Variants in GCN1 observed in about 807,000 individuals in gnomAD.
GCN1 encodes the protein GCN1 activator of EIF2AK4.
A neutral mutation model predicts 288.4 loss-of-function variants in GCN1; 90 were observed. That is an observed-to-expected ratio of 0.31 (90% CI 0.26 to 0.37). The LOEUF (loss-of-function observed/expected upper bound fraction) is 0.37. GCN1 is among the 10% of genes least tolerant of loss of function. The pLI is 1.00. For missense variants in GCN1, 2,586 were observed against 3,419.9 expected, an observed-to-expected ratio of 0.76 and a Z score of 6.08; for synonymous variants, 1,386 against 1,420.2, an observed-to-expected ratio of 0.98 and a Z score of 0.54.
At position 120,134,645 on chromosome 12, in the gene GCN1, G is replaced by A. The variant is rs765028391; in HGVS notation, c.7090C>T (p.Arg2364Cys). 5.0e-6 allele frequency: 8 copies of A among 1,613,748 alleles called. No homozygotes were observed. Among genetic ancestry groups the A allele is most frequent in the Non-Finnish European group, 5.9e-6 (7 of 1,179,936 alleles). ...KALQDSNRGV[R>C]LKAADALGKL... ...CCCAGAGCATCTGCGGCCTTCAGGC[G>A]CACCCCCCGGTTGGAGTCCTGCAGG... Residue 2364 changes from arginine to cysteine, a missense_variant, in exon 52 of 58, where the codon CGC becomes TGC. Around this residue, in one of 8 missense-constraint regions of GCN1, gnomAD observed 355 missense variants for 431.1 expected, o/e 0.82. Transcript: ENST00000300648. This position sits in a 1 kb window ranked among gnomAD's most constrained non-coding sequence, Gnocchi z 5.0.
intron 2 of GCN1, among the ~76,000 whole-genome samples, chr12:120,189,023 G>A (rs1485321521): frequency 6.6e-6 from 1 of 152,122 alleles, no homozygotes; most frequent in African/African-American, 2.4e-5. Context: ...CTATAGCAAG[G>A]AAATAAAGTA....
At chr12:120,150,763 C>T (rs1312572283) in intron 34 of GCN1, among the ~76,000 whole-genome samples, 1 of 151,750 alleles carries the variant, frequency 6.6e-6, no homozygotes, top group South Asian at 2.1e-4. Context: ...CGGTGAAACC[C>T]CGCCTCTACT....
intron 36 of GCN1, among the ~76,000 whole-genome samples, chr12:120,148,728 G>C (rs1048452637): frequency 6.6e-6 from 1 of 152,256 alleles, no homozygotes; most frequent in Non-Finnish European, 1.5e-5. Flanking sequence ...GAAGGACTGA[G>C]AAGGAGGTTG....
rs1333768393 is a variant in GCN1, at chr12:120,147,871, G to C, written c.4726+296C>G. Among the ~76,000 whole-genome samples, 6 of 152,082 alleles carry C rather than the reference G, an allele frequency of 3.9e-5. No individual in the cohort carries two copies. In the East Asian group the frequency reaches 7.7e-4, roughly 20 times the overall value. On this transcript the variant is annotated intron_variant, in intron 37 of 57. Transcript: ENST00000300648. ...TCCTTAACCCTCCCCTCTATCAAAG[G>C]CCTCCTGGAATGAGATGGAATAGCA...
Position 120,173,816 on chromosome 12 carries a change from C to T in GCN1, c.1203G>A (p.Gly401=). 1 of 1,613,714 alleles carries T rather than the reference C, an allele frequency of 6.2e-7. No individual in the cohort carries two copies. The highest frequency in any genetic ancestry group is 8.5e-7 in the Non-Finnish European group (1 of 1,179,694). The part of the protein sequence containing the change: ...IPFLQQEVHE[G]TLVHAVSVLA... ...GGACTGAGACAGCGTGTACCAAGGT[C>T]CCTTCATGAACTAGGGCAAAAAGCA... The change falls in exon 14 of 58, where the codon GGG becomes GGA. Residue 401 remains glycine (G), a synonymous_variant. Coordinates refer to ENST00000300648, the MANE Select transcript of GCN1 (RefSeq NM_006836.2).
rs1250463440 is a variant in GCN1, at chr12:120,134,795, T to G, written c.7009-69A>C. On this transcript the variant is annotated intron_variant, in intron 51 of 57. Coordinates refer to ENST00000300648, the MANE Select transcript of GCN1 (RefSeq NM_006836.2). This position sits in a 1 kb window ranked among gnomAD's most constrained non-coding sequence, Gnocchi z 5.0. ...CCAAAGCCACAGTGTACCACAGGCA[T>G]GAGAACAAATGACAATCCCAAACCA... is the stretch of plus-strand genomic sequence containing the variant. 17 of 1,311,526 alleles carry G rather than the reference T, an allele frequency of 1.3e-5. No individual in the cohort carries two copies. Among genetic ancestry groups the G allele is most frequent in the Admixed American group, 5.2e-5 (3 of 57,480 alleles). 81.2% of individuals were successfully genotyped at this position (1,311,526 alleles called of 1,614,324 possible).
intron 14 of GCN1, 139 bp from the exon 15 acceptor site, chr12:120,170,460 G>A: frequency 1.4e-6 from 1 of 733,280 alleles, no homozygotes; most frequent in Non-Finnish European, 2.2e-6. Context: ...AAAAAGAAGT[G>A]AAGTGAAATC....
intron 10 of GCN1, 47 bp from the exon 11 acceptor site, chr12:120,175,921 C>A (rs770359584): frequency 5.7e-6 from 9 of 1,579,368 alleles, no homozygotes; most frequent in Middle Eastern, 1.7e-4. Flanking sequence ...AACTGAGCAT[C>A]CAGACTTTCG....
chr12:120,143,707 T>C (rs1277926079), intron 42 of GCN1, among the ~76,000 whole-genome samples: 1 of 152,250 alleles, frequency 6.6e-6, no homozygotes, highest in East Asian at 1.9e-4. Context: ...TTTAAGCACT[T>C]GACCATTCCC....
At chr12:120,161,800 G>A (rs1877940624) in intron 21 of GCN1, 80 bp downstream of exon 21, 1 of 1,357,674 alleles carries the variant, frequency 7.4e-7, no homozygotes, top group Non-Finnish European at 1.0e-6. Context: ...CAACTCACAG[G>A]AGGCACTGGC....
rs1343370948 is a variant in GCN1, at chr12:120,161,915, A to T, written c.2307T>A (p.Pro769=). 6.2e-7 allele frequency: 1 copy of T among 1,614,054 alleles called. No individual in the cohort carries two copies. The highest frequency in any genetic ancestry group is 8.5e-7 in the Non-Finnish European group (1 of 1,180,038). The change falls in exon 21 of 58, where the codon CCT becomes CCA. Residue 769 remains proline (P), a synonymous_variant. Transcript: ENST00000300648. ...TGGATTTGTCATACAGCTCCCCAGC[A>T]GGGGTCTGCATAATGGCAAACTCCT... The part of the protein sequence containing the change: ...TREEFAIMQT[P]AGELYDKSII...
At chr12:120,187,141 T>C (rs1005113256) in intron 2 of GCN1, among the ~76,000 whole-genome samples, 6 of 151,922 alleles carry the variant, frequency 3.9e-5, no homozygotes, top group Non-Finnish European at 7.4e-5. Flanking sequence ...AAATGAGAAG[T>C]TGGGTGAAGT....
rs1206422463 is a variant in GCN1 at position 120,154,976 on chromosome 12, T to C, written c.3695A>G (p.Glu1232Gly). ...GGCTGAACAATTGTTATACCTGGCTTCCCACTGATCTGGAGGAGATTCTGA... is the reference window on the plus strand; with the variant it reads ...GGCTGAACAATTGTTATACCTGGCTCCCCACTGATCTGGAGGAGATTCTGA... ...VISESPPDQW[E>G]ARCGLALALN... The change falls in exon 31 of 58, where the codon GAA becomes GGA. Residue 1232 changes from glutamate to glycine, a missense_variant. Physicochemically the swap from Glu to Gly is moderately conservative, Grantham distance 98. Around this residue, in one of 8 missense-constraint regions of GCN1, gnomAD observed 332 missense variants for 403.0 expected, o/e 0.82. Transcript: ENST00000300648. The C allele has an allele frequency of 1.9e-6, 3 of 1,612,920 alleles. No individual in the cohort carries two copies. In the African/African-American group the frequency reaches 4.0e-5, roughly 22 times the overall value.
intron 1 of GCN1, among the ~76,000 whole-genome samples, chr12:120,194,472 G>C (rs1555303973): frequency 6.6e-6 from 1 of 152,216 alleles, no homozygotes; most frequent in Non-Finnish European, 1.5e-5. Flanking sequence ...GGGAGCCCCG[G>C]ACTCCTCGAG....
At chr12:120,175,067 C>A in intron 12 of GCN1, 95 bp downstream of exon 12, 1 of 1,039,370 alleles carries the variant, frequency 9.6e-7, no homozygotes, top group Middle Eastern at 2.6e-4. Flanking sequence ...GCAGAGGTTG[C>A]AGTGAGCTGA....
At chr12:120,143,496 T>C (rs1339014589) in intron 42 of GCN1, among the ~76,000 whole-genome samples, 2 of 151,538 alleles carry the variant, frequency 1.3e-5, no homozygotes, top group African/African-American at 4.9e-5. Context: ...GCAGGAGAAT[T>C]GCTTGAACCC....
At position 120,157,864 on chromosome 12, in the gene GCN1, G is replaced by C; in HGVS notation, c.3072C>G (p.Pro1024=). The C allele has an allele frequency of 6.2e-7, 1 of 1,613,630 alleles. No individual in the cohort carries two copies. Among genetic ancestry groups the C allele is most frequent in the Non-Finnish European group, 8.5e-7 (1 of 1,179,818 alleles). ...AQLRASPNTP[P]GRVDENGPEL... is the part of the protein sequence containing the mutation. ...CCCTGCCAACCTCGTCCACCCGCCC[G>C]GGTGGGGTGTTGGGGGAGGCCCTCA... Residue 1024 remains proline, a synonymous_variant, in exon 26 of 58, where the codon CCC becomes CCG. Coordinates refer to ENST00000300648, the MANE Select transcript of GCN1 (RefSeq NM_006836.2).
rs1878729444 is a variant in GCN1, at chr12:120,183,493, CAAG to C, written c.426+73_426+75del. 4 of 932,548 alleles carry C rather than the reference CAAG, an allele frequency of 4.3e-6. No homozygotes were observed. In the South Asian group the frequency reaches 5.2e-5, roughly 12 times the overall value. 57.8% of individuals were successfully genotyped at this position (932,548 alleles called of 1,614,324 possible). ...CAGCACCCAGAAAAGCACTTGGCAC[CAAG>C]AAGGTGCTGAAACATGCTCTAACTC... On this transcript the variant is annotated intron_variant, in intron 5 of 57. Coordinates refer to ENST00000300648, the MANE Select transcript of GCN1 (RefSeq NM_006836.2).
In GCN1 at chr12:120,145,086, T is replaced by C. The variant is rs367870654; in HGVS notation, c.5017-25A>G. 3.3e-5 allele frequency: 54 copies of C among 1,613,326 alleles called. 1 individual carries two copies. The highest frequency in any genetic ancestry group is 2.0e-4 in the African/African-American group (15 of 74,816). On this transcript the variant is annotated intron_variant, in intron 39 of 57. Transcript: ENST00000300648. The stretch of plus-strand genomic sequence containing the variant: ...CCTGTCAGGTAACCGAGAGCAGAGA[T>C]GGTGTGAGAAGATGAGGCTCAAAAC...
Sources: gnomAD v4.1 joint callset for allele counts (sites outside exome capture counted in the v4.1 genomes callset) on GRCh38, gnomAD v4.1.1 for gene constraint, gnomAD v4.1.1 regional missense constraint, Gnocchi (gnomAD v3.1) non-coding constraint, MANE v1.5 for transcripts, NCBI Gene and HGNC (gene_info 2026-07-23, HGNC 2026-07-21) for gene names.